Variants in SLC17A8 observed in about 807,000 individuals in gnomAD.
The protein encoded by SLC17A8 is solute carrier family 17 member 8.
Under a neutral mutation model 58.0 loss-of-function variants are expected in SLC17A8, and 31 were observed. That is an observed-to-expected ratio of 0.53 (90% CI 0.40 to 0.72). The LOEUF (loss-of-function observed/expected upper bound fraction) is 0.72. Ranked by LOEUF, SLC17A8 falls within the 30% of genes least tolerant of loss-of-function variation. The pLI is 0.00. For synonymous variants in SLC17A8, 228 were observed against 249.0 expected (o/e 0.92, Z 0.79); for missense variants, 655 against 727.8 (o/e 0.90, Z 1.15).
At chr12:100,418,204 G>C in intron 11 of SLC17A8, 48 bp downstream of exon 11, 2 of 1,612,466 alleles carry the variant, frequency 1.2e-6, no homozygotes, top group Non-Finnish European at 1.7e-6. Flanking sequence ...GAGGACTGGA[G>C]CTCTACACAA....
chr12:100,393,242 G>T, intron 3 of SLC17A8, 127 bp from the exon 4 acceptor site: 4 of 678,620 alleles, frequency 5.9e-6, no homozygotes, highest in Non-Finnish European at 1.1e-5. Flanking sequence ...GGGATTACAG[G>T]TACGATCTTT....
chr12:100,362,696 C>T (rs1952492407), intron 1 of SLC17A8, among the ~76,000 whole-genome samples: 2 of 152,160 alleles, frequency 1.3e-5, no homozygotes, highest in Admixed American at 1.3e-4. Context: ...GAAGTTCACT[C>T]CATCCAGGTA....
intron 4 of SLC17A8, among the ~76,000 whole-genome samples, chr12:100,394,908 TATTATA>T (rs1421231009): frequency 6.7e-6 from 1 of 149,424 alleles, no homozygotes; most frequent in Non-Finnish European, 1.5e-5. Context: ...CTAGTATATA[TATTATA>T]ATTAAAAATG....
chr12:100,379,515 A>G (rs748574133), intron 1 of SLC17A8, among the ~76,000 whole-genome samples: 8 of 151,926 alleles, frequency 5.3e-5, no homozygotes, highest in Non-Finnish European at 1.0e-4. Context: ...TATCCAAACT[A>G]TTGGGTTAAC....
In SLC17A8 at chr12:100,372,712, T is replaced by C. The variant is rs1952566540; in HGVS notation, c.102-7989T>C. Among the ~76,000 whole-genome samples the C allele has an allele frequency of 2.6e-5, 4 of 152,268 alleles. No individual in the cohort carries two copies. In the South Asian group the frequency reaches 8.3e-4, roughly 32 times the overall value. On this transcript the variant is annotated intron_variant, in intron 1 of 11. Transcript: ENST00000323346. ...TACCAAATACAGTGAGCAAGTAAAT[T>C]GATTTAAAAATACTGTTTTATATAT...
intron 1 of SLC17A8, among the ~76,000 whole-genome samples, chr12:100,370,648 C>G (rs1340612204): frequency 6.8e-6 from 1 of 146,594 alleles, no homozygotes; most frequent in African/African-American, 2.5e-5. Flanking sequence ...AAGACCCATA[C>G]ACACATTATA....
intron 5 of SLC17A8, among the ~76,000 whole-genome samples, chr12:100,398,950 T>C (rs35931494): frequency 0.29 from 44,645 of 152,070 alleles, 7,814 homozygotes; most frequent in Non-Finnish European, 0.38. Context: ...CTATGCCTTC[T>C]GCCATGATTG....
chr12:100,418,025 G>A lies in SLC17A8; in HGVS notation c.1298-4G>A, dbSNP rs759917069. The A allele has an allele frequency of 9.3e-6, 15 of 1,614,064 alleles. No homozygotes were observed. The African/African-American group carries it at 2.0e-4, about 22-fold the overall frequency. ...CTGATTTTGAGGTTTTGGCTTCACT[G>A]TAGGTTTTAATGTCAACCACCTGGA... is the stretch of plus-strand genomic sequence containing the variant. On this transcript the variant is annotated splice_polypyrimidine_tract_variant and splice_region_variant and intron_variant, in intron 10 of 11. Transcript: ENST00000323346.
chr12:100,408,686 T>G (rs1227860474), intron 9 of SLC17A8, among the ~76,000 whole-genome samples: 2 of 152,218 alleles, frequency 1.3e-5, no homozygotes, highest in African/African-American at 4.8e-5. Context: ...GTATCATTTG[T>G]AAGTTTTATT....
chr12:100,420,316 C>A lies in SLC17A8; in HGVS notation c.*157C>A. 1 of 643,338 alleles carries A rather than the reference C, an allele frequency of 1.6e-6. No homozygotes were observed. Among genetic ancestry groups the A allele is most frequent in the Non-Finnish European group, 2.7e-6 (1 of 365,964 alleles). The allele number at this position is 643,338 out of a possible 1,614,324, so 39.9% of individuals were successfully genotyped here. On this transcript the variant is annotated 3_prime_UTR_variant, in exon 12 of 12. Coordinates refer to ENST00000323346, the MANE Select transcript of SLC17A8 (RefSeq NM_139319.3). ...AAAGAGAAATATTATCTTTCAATGA[C>A]ATGTATAGGTAAGGAGCTGCGCTCA...
At chr12:100,418,345 G>A (rs899607748) in intron 11 of SLC17A8, among the ~76,000 whole-genome samples, 189 bp downstream of exon 11, 6 of 152,030 alleles carry the variant, frequency 3.9e-5, no homozygotes, top group Admixed American at 6.6e-5. Flanking sequence ...TGGCACCAAG[G>A]CTAGTTGTTG....
At chr12:100,379,350 G>A (rs991359040) in intron 1 of SLC17A8, among the ~76,000 whole-genome samples, 1 of 148,202 alleles carries the variant, frequency 6.7e-6, no homozygotes. Context: ...CAGGAGAATT[G>A]CTTGAGCTAG....
At chr12:100,374,136 G>A (rs967234177) in intron 1 of SLC17A8, among the ~76,000 whole-genome samples, 1 of 152,130 alleles carries the variant, frequency 6.6e-6, no homozygotes, top group Non-Finnish European at 1.5e-5. Context: ...GATTCAGAGA[G>A]GCCAGGTTAT....
chr12:100,399,618 C>A (rs1462295045), intron 5 of SLC17A8, among the ~76,000 whole-genome samples: 1 of 151,844 alleles, frequency 6.6e-6, no homozygotes, highest in African/African-American at 2.4e-5. Flanking sequence ...GGGGAAGGTG[C>A]CACACTTTTA....
Position 100,391,946 on chromosome 12 carries a change from T to C in SLC17A8, c.473+827T>C, listed in dbSNP as rs7963136. 3.9e-5 allele frequency among the ~76,000 whole-genome samples: 6 copies of C among 152,136 alleles called. No individual in the cohort carries two copies. In the South Asian group the frequency reaches 1.0e-3, roughly 26 times the overall value. The stretch of plus-strand genomic sequence containing the variant: ...CTGCAAGATGTGTCTCTAATGTCCT[T>C]GAGACTCTGTAGTGGGTGTTTGAGC... On this transcript the variant is annotated intron_variant, in intron 3 of 11. Coordinates refer to ENST00000323346, the MANE Select transcript of SLC17A8 (RefSeq NM_139319.3).
intron 3 of SLC17A8, 75 bp from the exon 4 acceptor site, chr12:100,393,294 T>C: frequency 1.0e-6 from 1 of 960,944 alleles, no homozygotes; most frequent in Non-Finnish European, 1.7e-6. Context: ...ACTGTTAGGT[T>C]TGTTTCTGGT....
Position 100,419,985 on chromosome 12 carries a change from A to T in SLC17A8, c.1596A>T (p.Ile532=). Residue 532 remains isoleucine, a synonymous_variant, in exon 12 of 12, where the codon ATA becomes ATT. Transcript: ENST00000323346. ...ACCAGGACGAATTAGCTGAGGAGAT[A>T]GAACTCAACCATGAGAGTTTTGCGA... is the stretch of plus-strand genomic sequence containing the variant. The part of the protein sequence containing the change: ...IIDQDELAEE[I]ELNHESFASP... 6.2e-7 allele frequency: 1 copy of T among 1,614,146 alleles called. No individual in the cohort carries two copies. The highest frequency in any genetic ancestry group is 1.3e-5 in the African/African-American group (1 of 75,042).
At chr12:100,378,621 C>T (rs978993885) in intron 1 of SLC17A8, among the ~76,000 whole-genome samples, 2 of 151,136 alleles carry the variant, frequency 1.3e-5, no homozygotes, top group Non-Finnish European at 2.9e-5. Flanking sequence ...ATGAATGAAG[C>T]GTGGGGGTGG....
In SLC17A8 at chr12:100,393,402, T is replaced by C. The variant is rs1952730404; in HGVS notation, c.507T>C (p.Thr169=). The C allele has an allele frequency of 1.2e-6, 2 of 1,613,746 alleles. No homozygotes were observed. The highest frequency in any genetic ancestry group is 1.7e-6 in the Non-Finnish European group (2 of 1,179,820). ...VFGAAIFLTS[T]LNMFIPSAAR... ...GAGCTGCCATCTTCTTAACATCGACTCTGAACATGTTTATTCCCTCTGCAG... is the reference window on the plus strand; with the variant it reads ...GAGCTGCCATCTTCTTAACATCGACCCTGAACATGTTTATTCCCTCTGCAG... The change falls in exon 4 of 12, where the codon ACT becomes ACC. Residue 169 remains threonine, a synonymous_variant. Transcript: ENST00000323346.
Sources: allele counts gnomAD v4.1 joint callset (sites outside exome capture counted in the v4.1 genomes callset), GRCh38; gene constraint gnomAD v4.1.1; transcripts MANE v1.5; gene names NCBI Gene and HGNC (gene_info 2026-07-23, HGNC 2026-07-21).